Variants in TENM3 observed in about 807,000 individuals in gnomAD.
TENM3 encodes the protein teneurin transmembrane protein 3.
A neutral mutation model predicts 255.1 loss-of-function variants in TENM3; 63 were observed. That is an observed-to-expected ratio of 0.25 (90% confidence interval 0.20 to 0.30). The LOEUF is 0.30. Among genes scored for constraint, TENM3 ranks in the 10% least tolerant of loss-of-function variants. The probability of loss-of-function intolerance (pLI) is 1.00; values close to 1 mark genes in which losing one functional copy is unlikely to be tolerated. For synonymous variants in TENM3, 1,306 were observed against 1,322.3 expected, an observed-to-expected ratio of 0.99 and a Z score of 0.27; for missense variants, 2,929 against 3,461.1, an observed-to-expected ratio of 0.85 and a Z score of 3.86.
In TENM3 at chr4:182,599,930, C is replaced by T. The variant is rs182398873; in HGVS notation, c.512-994C>T. Among the ~76,000 whole-genome samples, 631 of 152,244 alleles carry T rather than the reference C, an allele frequency of 4.1e-3. 6 individuals carry two copies. The highest frequency in any genetic ancestry group is 0.014 in the African/African-American group (586 of 41,552). On this transcript the variant is annotated intron_variant, in intron 3 of 27. Transcript: ENST00000511685. The stretch of plus-strand genomic sequence containing the variant: ...TATCTGTTTGGTAAAATGTAGTCTT[C>T]GTAAATTCTAGCACATCCAAAGCTA...
intron 22 of TENM3, chr4:182,772,684 G>T (rs941314987): frequency 1.1e-4 from 17 of 151,556 alleles, no homozygotes; most frequent in African/African-American, 4.1e-4. Flanking sequence ...TATGAGCACA[G>T]AACAGCTTTT....
chr4:182,237,510 C>G (rs915760423), intron 1 of TENM3, among the ~76,000 whole-genome samples: 1 of 152,034 alleles, frequency 6.6e-6, no homozygotes, highest in Non-Finnish European at 1.5e-5. Flanking sequence ...AGACTACAGG[C>G]ACCCATCATG....
chr4:182,284,784 G>T (rs913533516), intron 1 of TENM3, among the ~76,000 whole-genome samples: 1 of 152,126 alleles, frequency 6.6e-6, no homozygotes, highest in Non-Finnish European at 1.5e-5. Context: ...TCAGAACACC[G>T]AAAGCTTATA....
the TENM3 span, among the ~76,000 whole-genome samples, chr4:181,775,851 G>A: frequency 6.6e-6 from 1 of 152,042 alleles, no homozygotes; most frequent in African/African-American, 2.4e-5. Context: ...TATATGCATA[G>A]GATTTGTCAT....
chr4:181,644,957 G>A, the TENM3 span, among the ~76,000 whole-genome samples: 1 of 152,064 alleles, frequency 6.6e-6, no homozygotes, highest in South Asian at 2.1e-4. Context: ...AGACTCAAAA[G>A]GTTTGATGGA....
the TENM3 span, among the ~76,000 whole-genome samples, chr4:181,559,198 A>G: frequency 6.6e-6 from 1 of 152,188 alleles, no homozygotes; most frequent in Non-Finnish European, 1.5e-5. Context: ...GGAAAAACAT[A>G]AGGATTTAAA....
chr4:182,300,953 A>G (rs1018310211), intron 1 of TENM3, among the ~76,000 whole-genome samples: 4 of 152,182 alleles, frequency 2.6e-5, no homozygotes, highest in Admixed American at 1.3e-4. Context: ...CCTATGATTT[A>G]TTTTTAAAAA....
intron 3 of TENM3, among the ~76,000 whole-genome samples, chr4:182,430,195 G>C (rs541941710): frequency 6.6e-6 from 1 of 152,116 alleles, no homozygotes; most frequent in South Asian, 2.1e-4. Flanking sequence ...ATGTTATTAG[G>C]CCACTTCTTC....
At chr4:182,746,094 GA>G (rs1467369481) in intron 19 of TENM3, among the ~76,000 whole-genome samples, 1 of 152,132 alleles carries the variant, frequency 6.6e-6, no homozygotes, top group Admixed American at 6.5e-5. Context: ...TAGGCACTTT[GA>G]AAAATAATAA....
the TENM3 span, among the ~76,000 whole-genome samples, chr4:181,706,716 G>A: frequency 6.6e-6 from 1 of 152,202 alleles, no homozygotes; most frequent in South Asian, 2.1e-4. Context: ...GAGAAACAGG[G>A]AGTGTCTCTC....
chr4:181,954,855 A>C, the TENM3 span, among the ~76,000 whole-genome samples: 1 of 152,146 alleles, frequency 6.6e-6, no homozygotes. Context: ...AACTAGTATA[A>C]TTCTGTATTT....
At position 182,304,235 on chromosome 4, in the gene TENM3, C is replaced by T. The variant is rs573175345; in HGVS notation, c.-75-19711C>T. On this transcript the variant is annotated intron_variant, in intron 1 of 27. Transcript: ENST00000511685. ...TTTCAAGAAATTTTTTTTTTTGAGA[C>T]GCAGTCTTGCTCTGTTGCCCAGGCT... 5.6e-4 allele frequency among the ~76,000 whole-genome samples: 84 copies of T among 151,052 alleles called. 1 individual carries two copies. The South Asian group carries it at 8.5e-3, about 15-fold the overall frequency.
chr4:182,451,993 A>G (rs727695), intron 3 of TENM3, among the ~76,000 whole-genome samples: 48,353 of 152,132 alleles, frequency 0.32, 8,197 homozygotes, highest in East Asian at 0.44. Flanking sequence ...GAGTTATTTT[A>G]TAGTAACTTT....
chr4:182,782,461 A>T (rs1765254426), intron 24 of TENM3, among the ~76,000 whole-genome samples: 3 of 113,994 alleles, frequency 2.6e-5, no homozygotes, highest in African/African-American at 4.1e-5. Context: ...TGCAGAGGAG[A>T]GCTTTACTTC....
chr4:182,770,191 T>C (rs1764078222), intron 22 of TENM3, among the ~76,000 whole-genome samples: 1 of 152,072 alleles, frequency 6.6e-6, no homozygotes, highest in South Asian at 2.1e-4. Flanking sequence ...AATGGCCTTA[T>C]GAAACGATGG....
the TENM3 span, among the ~76,000 whole-genome samples, chr4:181,815,281 G>A: frequency 4.7e-5 from 7 of 149,038 alleles, no homozygotes; most frequent in South Asian, 2.1e-4. Flanking sequence ...GTGAAACCCC[G>A]TCTCTACAAA....
At chr4:182,100,085 T>C in the TENM3 span, among the ~76,000 whole-genome samples, 1 of 152,004 alleles carries the variant, frequency 6.6e-6, no homozygotes, top group East Asian at 1.9e-4. Flanking sequence ...CCTGGAAAAG[T>C]CTAACACACA....
chr4:182,577,704 G>C (rs1277295096), intron 3 of TENM3, among the ~76,000 whole-genome samples: 1 of 152,036 alleles, frequency 6.6e-6, no homozygotes, highest in Non-Finnish European at 1.5e-5. Flanking sequence ...ATAAATTTGG[G>C]GAATCTATTT....
chr4:182,741,030 G>C (rs150534791), intron 18 of TENM3, among the ~76,000 whole-genome samples: 1 of 152,004 alleles, frequency 6.6e-6, no homozygotes, highest in Non-Finnish European at 1.5e-5. Flanking sequence ...ACAAAAATTA[G>C]CCAGGCTTAG....
Sources: allele counts gnomAD v4.1 joint callset (sites outside exome capture counted in the v4.1 genomes callset), GRCh38; gene constraint gnomAD v4.1.1; transcripts MANE v1.5; gene names NCBI Gene and HGNC (gene_info 2026-07-23, HGNC 2026-07-21).